The following NDC1 variants were observed in gnomAD, a reference collection of about 807,000 sequenced individuals.
NDC1 encodes nucleoporin NDC1.
In NDC1, 24 loss-of-function variants were observed where a neutral mutation model predicts 89.8. The ratio of observed to expected loss-of-function variants is 0.27; its 90% CI spans 0.19 to 0.38. The LOEUF is 0.38. Among genes scored for constraint, NDC1 ranks in the 10% least tolerant of loss-of-function variants. The pLI is 1.00. For synonymous variants in NDC1, 296 were observed against 284.8 expected (o/e 1.04, Z -0.39); for missense variants, 728 against 797.6 (o/e 0.91, Z 1.05).
intron 5 of NDC1, among the ~76,000 whole-genome samples, chr1:53,823,992 T>C (rs1648755749): frequency 6.6e-6 from 1 of 152,012 alleles, no homozygotes; most frequent in East Asian, 1.9e-4. Context: ...TAGTGGCTCA[T>C]GCCTGTATTC....
chr1:53,804,288 TTTC>T (rs1164007163), intron 9 of NDC1, among the ~76,000 whole-genome samples: 1 of 152,116 alleles, frequency 6.6e-6, no homozygotes, highest in Non-Finnish European at 1.5e-5. Flanking sequence ...CTCCTGGAAT[TTTC>T]CCTGGTTTCC....
Position 53,793,982 on chromosome 1 carries a change from C to CT in NDC1, c.1585-704dup, listed in dbSNP as rs898852301. The stretch of plus-strand genomic sequence containing the variant: ...GTTTCTCTCACAGGGAAAAAAAAAT[C>CT]TTTTTTTTTTTGAGACAGGGTCTCA... On this transcript the variant is annotated intron_variant, in intron 13 of 17. Coordinates refer to ENST00000371429, the MANE Select transcript of NDC1 (RefSeq NM_018087.5). 2.9e-3 allele frequency among the ~76,000 whole-genome samples: 420 copies of CT among 145,100 alleles called. 1 individual carries two copies. The highest frequency in any genetic ancestry group is 0.014 in the Middle Eastern group (4 of 278).
intron 6 of NDC1, among the ~76,000 whole-genome samples, chr1:53,817,798 T>C (rs773067080): frequency 3.0e-4 from 45 of 152,124 alleles, no homozygotes; most frequent in Non-Finnish European, 4.9e-4. Flanking sequence ...TATATATCCA[T>C]AGAAAATATA....
At chr1:53,816,169 G>T (rs1047383325) in intron 6 of NDC1, among the ~76,000 whole-genome samples, 2 of 152,120 alleles carry the variant, frequency 1.3e-5, no homozygotes, top group Admixed American at 1.3e-4. Context: ...GAACAAATCT[G>T]GAGGCATCAC....
intron 4 of NDC1, among the ~76,000 whole-genome samples, chr1:53,827,470 A>G (rs572462770): frequency 6.6e-6 from 1 of 152,316 alleles, no homozygotes; most frequent in Admixed American, 6.5e-5. Context: ...TTTTAAAGTC[A>G]GAATATCAAT....
At chr1:53,813,118 T>G (rs1419542560) in intron 6 of NDC1, among the ~76,000 whole-genome samples, 1 of 152,164 alleles carries the variant, frequency 6.6e-6, no homozygotes, top group Non-Finnish European at 1.5e-5. Context: ...CTCTAAATCT[T>G]GAAACAAATT....
chr1:53,823,581 G>C (rs1366502472), intron 5 of NDC1, among the ~76,000 whole-genome samples: 1 of 152,162 alleles, frequency 6.6e-6, no homozygotes, highest in African/African-American at 2.4e-5. Context: ...TTCAACTGGG[G>C]ACCATGGAGG....
intron 9 of NDC1, among the ~76,000 whole-genome samples, chr1:53,805,587 GCTTA>G (rs1648073683): frequency 6.6e-6 from 1 of 152,102 alleles, no homozygotes; most frequent in Non-Finnish European, 1.5e-5. Flanking sequence ...AACCATTTAT[GCTTA>G]CTTAGATTGA....
At chr1:53,803,201 G>T (rs975724629) in intron 10 of NDC1, among the ~76,000 whole-genome samples, 1 of 152,038 alleles carries the variant, frequency 6.6e-6, no homozygotes, top group East Asian at 1.9e-4. Context: ...AAGTAGCTGC[G>T]ACTACAGGCA....
chr1:53,788,262 C>A (rs1308552550), intron 15 of NDC1, among the ~76,000 whole-genome samples: 1 of 151,920 alleles, frequency 6.6e-6, no homozygotes, highest in South Asian at 2.1e-4. Flanking sequence ...CCATTGAACT[C>A]CAGCTTGGGA....
Position 53,772,495 on chromosome 1 carries a change from C to A in NDC1, c.1801-6G>T, listed in dbSNP as rs373945870. 1.2e-6 allele frequency: 2 copies of A among 1,611,414 alleles called. No homozygotes were observed. Among genetic ancestry groups the A allele is most frequent in the Non-Finnish European group, 1.7e-6 (2 of 1,178,540 alleles). ...TTAAAGTACTTGTCGACTGCCTACACCAAGAAAGAAAACACATCAGTTTAG... is the reference window on the plus strand; with the variant it reads ...TTAAAGTACTTGTCGACTGCCTACAACAAGAAAGAAAACACATCAGTTTAG... On this transcript the variant is annotated splice_polypyrimidine_tract_variant and splice_region_variant and intron_variant, in intron 16 of 17. Transcript: ENST00000371429.
intron 6 of NDC1, among the ~76,000 whole-genome samples, chr1:53,818,418 G>A (rs1648550308): frequency 6.6e-6 from 1 of 150,988 alleles, no homozygotes; most frequent in Non-Finnish European, 1.5e-5. Flanking sequence ...TCCAGCCTGG[G>A]TGACAGATCA....
chr1:53,832,487 C>T lies in NDC1; in HGVS notation c.280+3G>A, dbSNP rs563403376. On this transcript the variant is annotated splice_donor_region_variant and intron_variant, in intron 3 of 17. Coordinates refer to ENST00000371429, the MANE Select transcript of NDC1 (RefSeq NM_018087.5). ...CTAAGAAGGTTAACATTTGAAAACTCACCTGCATAGAACTCCACATTGAAA... is the reference window on the plus strand; with the variant it reads ...CTAAGAAGGTTAACATTTGAAAACTTACCTGCATAGAACTCCACATTGAAA... 6.7e-6 allele frequency: 10 copies of T among 1,485,646 alleles called. No homozygotes were observed. In the South Asian group the frequency reaches 1.0e-4, roughly 15 times the overall value. 92.0% of individuals were successfully genotyped at this position (1,485,646 alleles called of 1,614,324 possible). A position where few individuals can be genotyped will look rare whatever the true frequency, so the allele number is the denominator to read the frequency against.
At chr1:53,825,453 C>CAAAAAAAAAAAAAAAAAAAAAAAAA (rs369960654) in intron 5 of NDC1, among the ~76,000 whole-genome samples, 7 of 125,784 alleles carry the variant, frequency 5.6e-5, no homozygotes, top group African/African-American at 1.4e-4. Flanking sequence ...AGACTGTCTC[C>CAAAAAAAAAAAAAAAAAAAAAAAAA]AAAAAAAAAG....
In NDC1 at chr1:53,835,277, C is replaced by T. The variant is rs867205738; in HGVS notation, c.178+223G>A. On this transcript the variant is annotated intron_variant, in intron 2 of 17. Coordinates refer to ENST00000371429, the MANE Select transcript of NDC1 (RefSeq NM_018087.5). ...TTATGGGGTCTTCTAATGATCTTTT[C>T]GTTCCTATGATCACAGTCTTTGACA... is the stretch of plus-strand genomic sequence containing the variant. Among the ~76,000 whole-genome samples, 10 of 152,228 alleles carry T rather than the reference C, an allele frequency of 6.6e-5. No individual in the cohort carries two copies. In the Middle Eastern group the frequency reaches 0.01, roughly 155 times the overall value.
At chr1:53,804,436 C>T (rs185928558) in intron 9 of NDC1, among the ~76,000 whole-genome samples, 60 of 152,294 alleles carry the variant, frequency 3.9e-4, no homozygotes, top group African/African-American at 7.5e-4. Context: ...ATCTTACTTG[C>T]TACCATATCC....
At chr1:53,796,610 C>A in intron 13 of NDC1, 79 bp downstream of exon 13, 9 of 726,056 alleles carry the variant, frequency 1.2e-5, no homozygotes, top group East Asian at 5.8e-5. Flanking sequence ...CTTCTTATTC[C>A]TGATGACTTA....
At chr1:53,798,558 T>C (rs1353781164) in intron 11 of NDC1, among the ~76,000 whole-genome samples, 2 of 151,196 alleles carry the variant, frequency 1.3e-5, no homozygotes, top group Non-Finnish European at 3.0e-5. Flanking sequence ...TTTCTTTTTT[T>C]TTTTTTTTCT....
At chr1:53,829,581 C>T (rs780293371) in intron 3 of NDC1, among the ~76,000 whole-genome samples, 5 of 152,170 alleles carry the variant, frequency 3.3e-5, no homozygotes, top group Non-Finnish European at 5.9e-5. Flanking sequence ...TAATCACGAT[C>T]TCTGGAGAAA....
Sources: allele counts gnomAD v4.1 joint callset (sites outside exome capture counted in the v4.1 genomes callset), GRCh38; gene constraint gnomAD v4.1.1; transcripts MANE v1.5; gene names NCBI Gene and HGNC (gene_info 2026-07-23, HGNC 2026-07-21).